Variants in TENT5D observed in about 807,000 individuals in gnomAD.
TENT5D encodes terminal nucleotidyltransferase 5D, also known as cancer/testis antigen 112.
For synonymous variants in TENT5D, 103 were observed against 100.6 expected, an observed-to-expected ratio of 1.02 and a Z score of -0.15; for missense variants, 191 against 287.0, an observed-to-expected ratio of 0.67 and a Z score of 2.42.
upstream of TENT5D, among the ~76,000 whole-genome samples, chrX:80,416,261 A>ATTT (rs57550532): frequency 6.5e-5 from 4 of 61,458 alleles, no homozygotes; most frequent in African/African-American, 1.2e-4. Context: ...GATATTTTGA[A>ATTT]TTTTTTTTTT....
chrX:80,355,016 C>T (rs1027219564), intron 3 of TENT5D, among the ~76,000 whole-genome samples: 1 of 111,690 alleles, frequency 9.0e-6, no homozygotes, highest in African/African-American at 3.3e-5. Context: ...TTGTTCTAAC[C>T]CCGAGGGCTT....
chrX:80,431,186 G>C (rs1932081491), intron 1 of TENT5D, among the ~76,000 whole-genome samples: 2 of 111,989 alleles, frequency 1.8e-5, no homozygotes, highest in Non-Finnish European at 3.8e-5. Flanking sequence ...GATGGGGACA[G>C]TACCAAGGCT....
chrX:80,432,662 A>G (rs1010774294), intron 1 of TENT5D, among the ~76,000 whole-genome samples: 4 of 111,831 alleles, frequency 3.6e-5, no homozygotes, highest in Non-Finnish European at 3.8e-5. Context: ...GCACCAAAAT[A>G]TGTAGCAGTA....
chrX:80,352,734 A>C (rs1474102789), intron 3 of TENT5D, among the ~76,000 whole-genome samples: 1 of 107,264 alleles, frequency 9.3e-6, no homozygotes, highest in Non-Finnish European at 1.9e-5. Context: ...AAAAAAAAAA[A>C]AAAAAAAAAA....
upstream of TENT5D, among the ~76,000 whole-genome samples, chrX:80,418,672 G>A (rs960287599): frequency 9.0e-6 from 1 of 110,779 alleles, no homozygotes; most frequent in African/African-American, 3.3e-5. Flanking sequence ...TTTTTATATT[G>A]GTAAAAGACA....
intron 1 of TENT5D, among the ~76,000 whole-genome samples, chrX:80,425,589 T>C (rs899344135): frequency 8.9e-6 from 1 of 112,619 alleles, no homozygotes; most frequent in Admixed American, 9.4e-5. Context: ...GATCAGGGTG[T>C]TTACAGTTAG....
intron 2 of TENT5D, among the ~76,000 whole-genome samples, chrX:80,340,791 C>T (rs749714299): frequency 8.9e-6 from 1 of 111,753 alleles, no homozygotes; most frequent in Non-Finnish European, 1.9e-5. Context: ...CAAAATGTCT[C>T]CAGACATTGC....
At chrX:80,428,918 G>A (rs1039410539) in intron 1 of TENT5D, among the ~76,000 whole-genome samples, 2 of 111,821 alleles carry the variant, frequency 1.8e-5, no homozygotes, top group Non-Finnish European at 3.8e-5. Flanking sequence ...AGCCCTTCAC[G>A]ATTGTGCAGT....
At chrX:80,401,164 AT>A (rs1931384114) in intron 3 of TENT5D, among the ~76,000 whole-genome samples, 1 of 111,772 alleles carries the variant, frequency 8.9e-6, no homozygotes, top group Admixed American at 9.5e-5. Flanking sequence ...AACTATATAT[AT>A]TTTTGTAGCT....
intron 3 of TENT5D, among the ~76,000 whole-genome samples, chrX:80,405,437 C>G (rs956200173): frequency 1.8e-5 from 2 of 112,743 alleles, no homozygotes; most frequent in Admixed American, 1.9e-4. Flanking sequence ...CATTGCCTCA[C>G]CTGGGAAGCG....
At chrX:80,405,311 A>G (rs1039159967) in intron 3 of TENT5D, among the ~76,000 whole-genome samples, 12 of 112,568 alleles carry the variant, frequency 1.1e-4, no homozygotes, top group Non-Finnish European at 2.1e-4. Context: ...AACACAGAAG[A>G]CGGGTGATTT....
intron 3 of TENT5D, among the ~76,000 whole-genome samples, chrX:80,392,672 G>A (rs569946902): frequency 1.3e-3 from 138 of 102,731 alleles, no homozygotes; most frequent in African/African-American, 4.5e-3. Flanking sequence ...GCCCGCCACC[G>A]CGCCCGGCTA....
intron 2 of TENT5D, among the ~76,000 whole-genome samples, chrX:80,440,978 A>G (rs1932271705): frequency 1.8e-5 from 2 of 111,132 alleles, no homozygotes; most frequent in South Asian, 3.7e-4. Flanking sequence ...TGCATGTTGT[A>G]TCACTTCATG....
chrX:80,369,691 A>G (rs190453664), intron 3 of TENT5D, among the ~76,000 whole-genome samples: 6 of 112,005 alleles, frequency 5.4e-5, no homozygotes, highest in African/African-American at 1.9e-4. Context: ...CCATACTTAT[A>G]GGTTCCCCAT....
intron 3 of TENT5D, among the ~76,000 whole-genome samples, chrX:80,358,195 C>A (rs1213103980): frequency 9.0e-6 from 1 of 111,225 alleles, no homozygotes; most frequent in Non-Finnish European, 1.9e-5. Flanking sequence ...AATGTTAGAC[C>A]TAAAACCATA....
chrX:80,393,223 T>C (rs1053033371), intron 3 of TENT5D, among the ~76,000 whole-genome samples: 8 of 111,440 alleles, frequency 7.2e-5, no homozygotes, highest in African/African-American at 2.0e-4. Flanking sequence ...TTTTGAAAAT[T>C]ATTGTCCATC....
At chrX:80,363,212 T>A (rs1395921040) in intron 3 of TENT5D, among the ~76,000 whole-genome samples, 1 of 111,907 alleles carries the variant, frequency 8.9e-6, no homozygotes, top group African/African-American at 3.2e-5. Context: ...ACTGAATATT[T>A]TAAAATACCA....
intron 3 of TENT5D, among the ~76,000 whole-genome samples, chrX:80,352,880 T>C (rs950591417): frequency 9.0e-6 from 1 of 110,933 alleles, no homozygotes; most frequent in Non-Finnish European, 1.9e-5. Flanking sequence ...AAGTGTAGTA[T>C]CTGGGCCGGA....
At chrX:80,414,810 T>G in intron 3 of TENT5D, among the ~76,000 whole-genome samples, 1 of 112,038 alleles carries the variant, frequency 8.9e-6, no homozygotes, top group East Asian at 2.8e-4. Flanking sequence ...TTGAATAGAA[T>G]AGGAAACAGG....
Sources: gnomAD v4.1 joint callset for allele counts (sites outside exome capture counted in the v4.1 genomes callset) on GRCh38, gnomAD v4.1.1 for gene constraint, MANE v1.5 for transcripts, NCBI Gene and HGNC (gene_info 2026-07-23, HGNC 2026-07-21) for gene names.